CNTN4: variants seen among roughly 807,000 people sequenced by gnomAD.
The protein encoded by CNTN4 is contactin-4.
A neutral mutation model predicts 122.5 loss-of-function variants in CNTN4; 77 were observed. The ratio of observed to expected loss-of-function variants is 0.63; its 90% CI spans 0.52 to 0.76. The LOEUF (loss-of-function observed/expected upper bound fraction) is 0.76. Among genes scored for constraint, CNTN4 ranks in the 30% least tolerant of loss-of-function variants. The probability of loss-of-function intolerance (pLI) is 0.00; values close to 1 mark genes in which losing one functional copy is unlikely to be tolerated. For synonymous variants in CNTN4, 512 were observed against 447.0 expected, an observed-to-expected ratio of 1.15 and a Z score of -1.83; for missense variants, 1,256 against 1,259.1, an observed-to-expected ratio of 1.00 and a Z score of 0.04.
chr3:2,898,292 A>C (rs910423588), intron 10 of CNTN4, among the ~76,000 whole-genome samples: 43 of 152,218 alleles, frequency 2.8e-4, no homozygotes, highest in African/African-American at 1.0e-3. Context: ...ATATCAGTTC[A>C]AATTTGTCTT....
intron 2 of CNTN4, among the ~76,000 whole-genome samples, chr3:2,260,639 G>A (rs2040797296): frequency 1.3e-5 from 2 of 151,854 alleles, no homozygotes; most frequent in South Asian, 2.1e-4. Context: ...ATTTTTCCAA[G>A]CAAATATTTA....
At chr3:2,802,432 C>T (rs1425486624) in intron 6 of CNTN4, among the ~76,000 whole-genome samples, 1 of 152,150 alleles carries the variant, frequency 6.6e-6, no homozygotes, top group Non-Finnish European at 1.5e-5. Flanking sequence ...GGTGATTTCA[C>T]TGTTTAAAAT....
At chr3:2,310,659 C>A (rs1327244498) in intron 2 of CNTN4, among the ~76,000 whole-genome samples, 1 of 152,012 alleles carries the variant, frequency 6.6e-6, no homozygotes, top group Admixed American at 6.6e-5. Flanking sequence ...TCACTTGTAC[C>A]CCAATGGCAT....
At chr3:2,583,889 A>G (rs556805005) in intron 4 of CNTN4, among the ~76,000 whole-genome samples, 3 of 152,160 alleles carry the variant, frequency 2.0e-5, no homozygotes, top group Non-Finnish European at 2.9e-5. Context: ...TTTAAGTGAG[A>G]AATCCAGGCA....
chr3:3,015,438 C>T (rs1377280766), intron 14 of CNTN4, among the ~76,000 whole-genome samples: 1 of 152,136 alleles, frequency 6.6e-6, no homozygotes. Context: ...GAGAGGGTAG[C>T]TAATATTGTC....
chr3:2,925,802 A>G, intron 13 of CNTN4, 23 bp downstream of exon 13: 3 of 1,594,124 alleles, frequency 1.9e-6, no homozygotes, highest in South Asian at 2.2e-5. Flanking sequence ...ATTATTTTCA[A>G]TATTTGGTTA....
intron 3 of CNTN4, among the ~76,000 whole-genome samples, chr3:2,497,467 G>C (rs1001900293): frequency 1.3e-5 from 2 of 152,120 alleles, no homozygotes; most frequent in African/African-American, 2.4e-5. Flanking sequence ...TTCTCACCTT[G>C]ACTTGTATAA....
intron 6 of CNTN4, among the ~76,000 whole-genome samples, chr3:2,770,402 G>T (rs1357566793): frequency 6.6e-6 from 1 of 152,196 alleles, no homozygotes; most frequent in African/African-American, 2.4e-5. Context: ...AGGCAGTATT[G>T]CCTTTTGCAC....
intron 12 of CNTN4, among the ~76,000 whole-genome samples, chr3:2,916,086 A>G (rs987209619): frequency 7.2e-5 from 11 of 152,246 alleles, no homozygotes; most frequent in African/African-American, 2.7e-4. Flanking sequence ...AAACGAAAAC[A>G]TTCTCGCAAT....
At chr3:2,970,548 G>C (rs983132590) in intron 13 of CNTN4, among the ~76,000 whole-genome samples, 1 of 152,002 alleles carries the variant, frequency 6.6e-6, no homozygotes, top group East Asian at 1.9e-4. Context: ...CTGGGCTCAA[G>C]CAATCCTGCC....
chr3:2,362,645 C>T (rs1847169), intron 3 of CNTN4: 289,691 of 426,098 alleles, frequency 0.68, 99,905 homozygotes, highest in East Asian at 0.86. Context: ...GAGATGGATA[C>T]CAACTTGAGA....
intron 3 of CNTN4, among the ~76,000 whole-genome samples, chr3:2,502,130 G>A (rs2076610754): frequency 6.6e-6 from 1 of 151,990 alleles, no homozygotes; most frequent in African/African-American, 2.4e-5. Flanking sequence ...AAGCATTTTG[G>A]ATAACAGATA....
chr3:2,917,647 G>A (rs1285035886), intron 12 of CNTN4, among the ~76,000 whole-genome samples: 2 of 152,112 alleles, frequency 1.3e-5, no homozygotes, highest in African/African-American at 2.4e-5. Flanking sequence ...CAAGCTTCTG[G>A]TGATTTTTAT....
intron 3 of CNTN4, among the ~76,000 whole-genome samples, chr3:2,560,867 A>G (rs1464734245): frequency 6.6e-6 from 1 of 152,202 alleles, no homozygotes; most frequent in Non-Finnish European, 1.5e-5. Flanking sequence ...TAAAGGATAG[A>G]GTGCCGTAGT....
At chr3:2,968,526 T>C (rs1181490657) in intron 13 of CNTN4, among the ~76,000 whole-genome samples, 1 of 152,116 alleles carries the variant, frequency 6.6e-6, no homozygotes, top group Non-Finnish European at 1.5e-5. Context: ...AAAACAGAAA[T>C]AGCACTAAAG....
chr3:2,633,017 A>G (rs1050263202), intron 4 of CNTN4, among the ~76,000 whole-genome samples: 1 of 149,044 alleles, frequency 6.7e-6, no homozygotes, highest in African/African-American at 2.4e-5. Context: ...ATATCTATTT[A>G]TAACATATAT....
chr3:2,928,907 A>G (rs1022338690), intron 13 of CNTN4, among the ~76,000 whole-genome samples: 3 of 152,230 alleles, frequency 2.0e-5, no homozygotes, highest in Non-Finnish European at 2.9e-5. Context: ...ATATAGATTC[A>G]GAAACACTGG....
Position 2,811,393 on chromosome 3 carries a change from G to A in CNTN4, c.359-8093G>A, listed in dbSNP as rs145486427. ...ACTGCACTCCAGCCTGGGCGATAGAGCAAGACTCAGTGTCAAAAAAAAAAA... is the reference window on the plus strand; with the variant it reads ...ACTGCACTCCAGCCTGGGCGATAGAACAAGACTCAGTGTCAAAAAAAAAAA... On this transcript the variant is annotated intron_variant, in intron 6 of 24. Coordinates refer to ENST00000418658, the MANE Select transcript of CNTN4 (RefSeq NM_175607.3). Among the ~76,000 whole-genome samples the A allele has an allele frequency of 7.3e-3, 1,041 of 142,562 alleles. 11 individuals carry two copies. The highest frequency in any genetic ancestry group is 0.025 in the African/African-American group (972 of 38,138). The allele number at this position is 142,562 out of a possible 152,430, so 93.5% of individuals were successfully genotyped here.
intron 4 of CNTN4, among the ~76,000 whole-genome samples, chr3:2,733,043 C>T (rs2088815060): frequency 6.6e-6 from 1 of 152,080 alleles, no homozygotes. Context: ...GAAAAAATAT[C>T]TTTTTGTTAT....
Sources: allele counts gnomAD v4.1 joint callset (sites outside exome capture counted in the v4.1 genomes callset), GRCh38; gene constraint gnomAD v4.1.1; transcripts MANE v1.5; gene names NCBI Gene and HGNC (gene_info 2026-07-23, HGNC 2026-07-21).